The following MAMLD1 variants were observed in gnomAD, a reference collection of about 807,000 sequenced individuals.
The protein encoded by MAMLD1 is mastermind like domain containing 1, also known as mastermind-like domain-containing protein 1.
Under a neutral mutation model 45.0 loss-of-function variants are expected in MAMLD1, and 14 were observed. The ratio of observed to expected loss-of-function variants is 0.31; its 90% confidence interval spans 0.21 to 0.49. The LOEUF (loss-of-function observed/expected upper bound fraction) is 0.49, where lower values mean the gene tolerates loss of function less well. Ranked by LOEUF, MAMLD1 falls within the 20% of genes least tolerant of loss-of-function variation. The pLI is 0.99. For synonymous variants in MAMLD1, 254 were observed against 247.8 expected, an observed-to-expected ratio of 1.02 and a Z score of -0.24; for missense variants, 543 against 603.6, an observed-to-expected ratio of 0.90 and a Z score of 1.05.
chrX:150,406,309 G>GA (rs1157166636), intron 1 of MAMLD1, among the ~76,000 whole-genome samples: 18 of 104,828 alleles, frequency 1.7e-4, no homozygotes, highest in South Asian at 4.2e-4. Flanking sequence ...GAAGAGCTGG[G>GA]AAAAAAAAAA....
chrX:150,421,548 C>T (rs1217933535), intron 1 of MAMLD1, among the ~76,000 whole-genome samples: 1 of 112,232 alleles, frequency 8.9e-6, no homozygotes, highest in East Asian at 2.8e-4. Context: ...CTCTCCCTAC[C>T]CACCTTCTTA....
At chrX:150,467,233 T>C (rs2036253028) in intron 3 of MAMLD1, among the ~76,000 whole-genome samples, 1 of 112,208 alleles carries the variant, frequency 8.9e-6, no homozygotes, top group African/African-American at 3.2e-5. Flanking sequence ...CAATTTCAGT[T>C]TGGGACCCAG....
intron 1 of MAMLD1, among the ~76,000 whole-genome samples, chrX:150,424,449 C>T (rs1337367870): frequency 8.9e-5 from 10 of 112,048 alleles, no homozygotes; most frequent in Non-Finnish European, 1.9e-4. Flanking sequence ...TCAACCAGAG[C>T]TTAGAATATT....
intron 2 of MAMLD1, among the ~76,000 whole-genome samples, chrX:150,447,832 G>A (rs2035541026): frequency 9.0e-6 from 1 of 111,417 alleles, no homozygotes; most frequent in African/African-American, 3.3e-5. Flanking sequence ...CTGAACCCTA[G>A]TCCCAGGAAA....
chrX:150,415,476 C>T (rs907661504), intron 1 of MAMLD1, among the ~76,000 whole-genome samples: 4 of 112,575 alleles, frequency 3.6e-5, no homozygotes, highest in Admixed American at 1.9e-4. Flanking sequence ...TGTCTCTTTT[C>T]TATACCTTTT....
At chrX:150,400,965 G>C (rs1211754746) in intron 1 of MAMLD1, among the ~76,000 whole-genome samples, 1 of 109,743 alleles carries the variant, frequency 9.1e-6, no homozygotes, top group East Asian at 2.8e-4. Flanking sequence ...GGATGATGCT[G>C]GCCTCATAAA....
chrX:150,398,317 GAAGAAGAAGAAGAA>G (rs1569564584), intron 1 of MAMLD1, among the ~76,000 whole-genome samples: 16 of 97,422 alleles, frequency 1.6e-4, no homozygotes, highest in African/African-American at 6.0e-4. Flanking sequence ...AGAAGAAGAA[GAAGAAGAAGAAGAA>G]GAAGAAGAAG....
At chrX:150,403,997 AAGAAAGG>A (rs1354859618) in intron 1 of MAMLD1, among the ~76,000 whole-genome samples, 3 of 75,933 alleles carry the variant, frequency 4.0e-5, no homozygotes, top group Admixed American at 1.3e-4. Flanking sequence ...AGAAAGAAAG[AAGAAAGG>A]AAGGAAGAAA....
intron 1 of MAMLD1, among the ~76,000 whole-genome samples, chrX:150,375,597 T>C (rs1334954543): frequency 8.9e-6 from 1 of 112,735 alleles, no homozygotes; most frequent in Non-Finnish European, 1.9e-5. Context: ...AAGAGAGAAC[T>C]GTTTTTGCTT....
intron 1 of MAMLD1, among the ~76,000 whole-genome samples, chrX:150,423,327 AG>A (rs1339817937): frequency 9.8e-6 from 1 of 102,239 alleles, no homozygotes; most frequent in Non-Finnish European, 2.0e-5. Flanking sequence ...AATCATTTCC[AG>A]GGGGGAAAAA....
chrX:150,375,275 C>T (rs1229922044), intron 1 of MAMLD1, among the ~76,000 whole-genome samples: 5 of 111,914 alleles, frequency 4.5e-5, no homozygotes, highest in Non-Finnish European at 9.4e-5. Context: ...TCCAAGTTCT[C>T]TGTCTGGCTC....
At position 150,512,050 on chromosome X, in the gene MAMLD1, C is replaced by G; in HGVS notation, c.*91C>G. The G allele has an allele frequency of 9.0e-7, 1 of 1,115,923 alleles. No individual in the cohort carries two copies. Among genetic ancestry groups the G allele is most frequent in the East Asian group, 3.3e-5 (1 of 30,111 alleles). 92.0% of individuals were successfully genotyped at this position (1,115,923 alleles called of 1,213,427 possible). A position where few individuals can be genotyped will look rare whatever the true frequency, so the allele number is the denominator to read the frequency against. ...CCAAGTGTAGCCGGATCAAGGCAAGCCCCCCATCTAGCAAGCACTTGATGC... is the reference window on the plus strand; with the variant it reads ...CCAAGTGTAGCCGGATCAAGGCAAGGCCCCCATCTAGCAAGCACTTGATGC... On this transcript the variant is annotated 3_prime_UTR_variant, in exon 8 of 8. Coordinates refer to ENST00000370401, the MANE Select transcript of MAMLD1 (RefSeq NM_005491.5).
intron 5 of MAMLD1, among the ~76,000 whole-genome samples, chrX:150,487,069 T>G (rs782225815): frequency 6.4e-4 from 72 of 111,978 alleles, no homozygotes; most frequent in African/African-American, 2.3e-3. Context: ...GGAATTTGCA[T>G]TTGTAATAGA....
chrX:150,408,055 C>T (rs1409933700), intron 1 of MAMLD1, among the ~76,000 whole-genome samples: 2 of 111,660 alleles, frequency 1.8e-5, no homozygotes, highest in Non-Finnish European at 3.8e-5. Flanking sequence ...CAAAAGCCAA[C>T]TGTTATGTTT....
At chrX:150,418,440 A>C (rs1404647542) in intron 1 of MAMLD1, among the ~76,000 whole-genome samples, 1 of 106,831 alleles carries the variant, frequency 9.4e-6, no homozygotes, top group African/African-American at 3.4e-5. Context: ...TATTTCCTTC[A>C]GTTCTGCTCT....
At chrX:150,419,186 T>G (rs782144912) in intron 1 of MAMLD1, among the ~76,000 whole-genome samples, 1 of 103,081 alleles carries the variant, frequency 9.7e-6, no homozygotes, top group Non-Finnish European at 2.0e-5. Flanking sequence ...CCTTTACCAT[T>G]ATGTAACTGC....
At chrX:150,368,677 G>A (rs782080718) in intron 1 of MAMLD1, among the ~76,000 whole-genome samples, 223 of 111,906 alleles carry the variant, frequency 2.0e-3, no homozygotes, top group African/African-American at 6.8e-3. Flanking sequence ...TTTTCTTCTA[G>A]GGTTTTTATG....
At position 150,470,758 on chromosome X, in the gene MAMLD1, C is replaced by A. The variant is rs1557406398; in HGVS notation, c.1185C>A (p.Ser395Arg). ...NALLSSMTSS[S>R]NAALGPAMPY... ...TACTGTCAAGCATGACGTCCAGCAGCAATGCTGCCCTGGGGCCCGCCATGC... is the reference window on the plus strand; with the variant it reads ...TACTGTCAAGCATGACGTCCAGCAGAAATGCTGCCCTGGGGCCCGCCATGC... The change falls in exon 4 of 8, where the codon AGC (serine) becomes AGA (arginine). Residue 395 changes from serine to arginine, a missense_variant. Transcript: ENST00000370401. The A allele has an allele frequency of 8.3e-7, 1 of 1,212,046 alleles. No homozygotes were observed. Among genetic ancestry groups the A allele is most frequent in the Non-Finnish European group, 1.1e-6 (1 of 895,553 alleles).
chrX:150,457,320 C>T (rs781979879), intron 2 of MAMLD1, among the ~76,000 whole-genome samples: 3 of 112,099 alleles, frequency 2.7e-5, no homozygotes, highest in Non-Finnish European at 5.6e-5. Flanking sequence ...GTCTGGAGAT[C>T]AGCTTTGGGT....
Sources: allele counts gnomAD v4.1 joint callset (sites outside exome capture counted in the v4.1 genomes callset), GRCh38; gene constraint gnomAD v4.1.1; transcripts MANE v1.5; gene names NCBI Gene and HGNC (gene_info 2026-07-23, HGNC 2026-07-21).